Variants in TAFA2 observed in about 807,000 individuals in gnomAD.
TAFA2 encodes the protein TAFA chemokine like family member 2.
In TAFA2, 7 loss-of-function variants were observed where a neutral mutation model predicts 18.8. The observed-to-expected ratio is 0.37, with a 90% CI of 0.21 to 0.70. The LOEUF (loss-of-function observed/expected upper bound fraction) is 0.70, where lower values mean the gene tolerates loss of function less well. Among genes scored for constraint, TAFA2 ranks in the 30% least tolerant of loss-of-function variants. TAFA2 has a pLI of 0.53. For missense variants in TAFA2, 122 were observed against 158.1 expected (o/e 0.77, Z 1.23); for synonymous variants, 60 against 54.2 (o/e 1.11, Z -0.47).
chr12:62,133,164 TC>T (rs1356382598), intron 1 of TAFA2, among the ~76,000 whole-genome samples: 1 of 152,024 alleles, frequency 6.6e-6, no homozygotes, highest in Non-Finnish European at 1.5e-5. Flanking sequence ...TCCATGTGCA[TC>T]TTCCATAATT....
chr12:62,052,804 A>G (rs765864836), intron 1 of TAFA2, among the ~76,000 whole-genome samples: 1 of 152,214 alleles, frequency 6.6e-6, no homozygotes, highest in Admixed American at 6.5e-5. Context: ...CGAAGACTGT[A>G]TCCAAGCACC....
intron 1 of TAFA2, among the ~76,000 whole-genome samples, chr12:61,928,825 C>T (rs1877422052): frequency 1.3e-5 from 2 of 151,944 alleles, no homozygotes; most frequent in Non-Finnish European, 1.5e-5. Context: ...CCATAGAATG[C>T]TATGCAGCCA....
At chr12:62,022,338 G>T (rs1355366589) in intron 1 of TAFA2, among the ~76,000 whole-genome samples, 1 of 152,114 alleles carries the variant, frequency 6.6e-6, no homozygotes, top group African/African-American at 2.4e-5. Flanking sequence ...TTTTAAAATG[G>T]TGATCCTAGA....
chr12:62,085,271 T>C (rs554306958), intron 1 of TAFA2, among the ~76,000 whole-genome samples: 1 of 152,312 alleles, frequency 6.6e-6, no homozygotes, highest in African/African-American at 2.4e-5. Flanking sequence ...AAGCTCATTG[T>C]CCTTATTTCT....
chr12:62,172,442 G>A (rs1433305665), intron 1 of TAFA2, among the ~76,000 whole-genome samples: 1 of 152,148 alleles, frequency 6.6e-6, no homozygotes, highest in Non-Finnish European at 1.5e-5. Context: ...CACATAGAAG[G>A]AAGTCTCTCC....
chr12:61,952,919 T>C (rs986023867), intron 1 of TAFA2, among the ~76,000 whole-genome samples: 15 of 152,112 alleles, frequency 9.9e-5, no homozygotes, highest in African/African-American at 2.2e-4. Context: ...TCTCCTCTTT[T>C]ATATTTTATA....
At chr12:61,896,108 G>C (rs1040709083) in intron 1 of TAFA2, among the ~76,000 whole-genome samples, 3 of 152,090 alleles carry the variant, frequency 2.0e-5, no homozygotes, top group Admixed American at 6.5e-5. Context: ...CTACCAAAGG[G>C]TGATGGGTCA....
intron 1 of TAFA2, among the ~76,000 whole-genome samples, chr12:62,099,515 T>C (rs1392040771): frequency 1.3e-5 from 2 of 152,176 alleles, no homozygotes; most frequent in Non-Finnish European, 2.9e-5. Context: ...TTTGGCAATA[T>C]TTAGAACATT....
intron 2 of TAFA2, among the ~76,000 whole-genome samples, chr12:61,770,253 C>G (rs1289247752): frequency 2.0e-5 from 3 of 151,878 alleles, no homozygotes; most frequent in East Asian, 3.9e-4. Flanking sequence ...GTTAATCAAA[C>G]CTAAGAATAA....
At chr12:61,847,148 TAAG>T (rs769279147) in intron 2 of TAFA2, among the ~76,000 whole-genome samples, 72 of 152,350 alleles carry the variant, frequency 4.7e-4, no homozygotes, top group Middle Eastern at 6.8e-3. Flanking sequence ...TGTTCAACGT[TAAG>T]AAGAACTTTT....
chr12:62,072,475 T>TAAC (rs1479958099), intron 1 of TAFA2, among the ~76,000 whole-genome samples: 1 of 150,388 alleles, frequency 6.6e-6, no homozygotes, highest in Middle Eastern at 3.2e-3. Flanking sequence ...TCTCAAAAAA[T>TAAC]AATAATAATA....
chr12:62,004,912 T>A (rs7301503), intron 1 of TAFA2, among the ~76,000 whole-genome samples: 4,285 of 152,166 alleles, frequency 0.028, 200 homozygotes, highest in African/African-American at 0.097. Context: ...CACGCTACAT[T>A]AAATAAGCCA....
chr12:62,183,007 G>A (rs976636784), intron 1 of TAFA2, among the ~76,000 whole-genome samples: 1 of 152,172 alleles, frequency 6.6e-6, no homozygotes, highest in Non-Finnish European at 1.5e-5. Context: ...TGTATACTAA[G>A]ATAGCCCAAA....
Position 62,170,189 on chromosome 12 carries a change from G to T in TAFA2, c.-2+21070C>A, listed in dbSNP as rs768274683. 5.3e-5 allele frequency among the ~76,000 whole-genome samples: 8 copies of T among 152,082 alleles called. No homozygotes were observed. The South Asian group carries it at 1.7e-3, about 31-fold the overall frequency. ...AGTACCCTTGATGACTAAAATAATTGATATCTCTCTTTGAAATGTGGAACA... is the reference window on the plus strand; with the variant it reads ...AGTACCCTTGATGACTAAAATAATTTATATCTCTCTTTGAAATGTGGAACA... On this transcript the variant is annotated intron_variant, in intron 1 of 4. Transcript: ENST00000416284.
chr12:62,163,294 C>T (rs2062417601), intron 1 of TAFA2, among the ~76,000 whole-genome samples: 1 of 152,160 alleles, frequency 6.6e-6, no homozygotes, highest in Non-Finnish European at 1.5e-5. Context: ...TAGAAAAAAT[C>T]TCCAAACACT....
upstream of TAFA2, among the ~76,000 whole-genome samples, chr12:62,197,405 G>GGT (rs2062653473): frequency 6.6e-6 from 1 of 152,030 alleles, no homozygotes; most frequent in Admixed American, 6.5e-5. Context: ...AAATCACTTT[G>GGT]GTGCACTTCA....
intron 1 of TAFA2, among the ~76,000 whole-genome samples, chr12:61,939,466 G>A (rs1170057732): frequency 6.6e-6 from 1 of 152,040 alleles, no homozygotes; most frequent in East Asian, 1.9e-4. Context: ...TGTGGAATTA[G>A]TCAAACTTTC....
At chr12:61,985,216 C>T (rs970677998) in intron 1 of TAFA2, among the ~76,000 whole-genome samples, 13 of 152,170 alleles carry the variant, frequency 8.5e-5, no homozygotes, top group African/African-American at 2.9e-4. Flanking sequence ...GCTGGACATG[C>T]TGGACTTATT....
At chr12:61,749,993 C>CCCCCCCACACA (rs1555161293) in intron 4 of TAFA2, among the ~76,000 whole-genome samples, 7 of 148,780 alleles carry the variant, frequency 4.7e-5, no homozygotes, top group African/African-American at 1.7e-4. Context: ...TCAAAACACC[C>CCCCCCCACACA]CACACACACA....
Sources: allele counts gnomAD v4.1 joint callset (sites outside exome capture counted in the v4.1 genomes callset), GRCh38; gene constraint gnomAD v4.1.1; transcripts MANE v1.5; gene names NCBI Gene and HGNC (gene_info 2026-07-23, HGNC 2026-07-21).